ZNF675: variants seen among roughly 807,000 people sequenced by gnomAD.
ZNF675 encodes the protein TRAF6 inhibitory zinc finger.
Under a neutral mutation model 56.1 loss-of-function variants are expected in ZNF675, and 36 were observed. The observed-to-expected ratio is 0.64, with a 90% CI of 0.49 to 0.85. The LOEUF (loss-of-function observed/expected upper bound fraction) is 0.85. ZNF675 is among the 40% of genes least tolerant of loss of function. ZNF675 has a pLI of 0.00. For missense variants in ZNF675, 663 were observed against 654.2 expected (o/e 1.01, Z -0.15); for synonymous variants, 200 against 218.9 (o/e 0.91, Z 0.76).
chr19:23,667,510 T>A (rs1024009441), intron 1 of ZNF675, among the ~76,000 whole-genome samples: 1 of 151,972 alleles, frequency 6.6e-6, no homozygotes, highest in African/African-American at 2.4e-5. Context: ...GACACAAAGG[T>A]TCTCCACGTC....
At chr19:23,659,336 T>A (rs1300538413) in intron 3 of ZNF675, among the ~76,000 whole-genome samples, 7 of 152,140 alleles carry the variant, frequency 4.6e-5, no homozygotes, top group Admixed American at 4.6e-4. Context: ...ATTGGTAAGA[T>A]GGGAGAATAA....
chr19:23,659,782 T>G (rs1233006608), intron 3 of ZNF675, among the ~76,000 whole-genome samples: 2 of 152,120 alleles, frequency 1.3e-5, no homozygotes, highest in African/African-American at 4.8e-5. Flanking sequence ...CTGGGAGAGA[T>G]TCTGCTTTTC....
At chr19:23,675,133 G>GA (rs1331453847) in intron 1 of ZNF675, among the ~76,000 whole-genome samples, 7 of 151,768 alleles carry the variant, frequency 4.6e-5, no homozygotes, top group Non-Finnish European at 1.0e-4. Context: ...GTATTCACTT[G>GA]AAAGAATGTT....
At position 23,687,014 on chromosome 19, in the gene ZNF675, G is replaced by A. The variant is rs1165423782; in HGVS notation, c.3+17C>T. 4.3e-6 allele frequency: 7 copies of A among 1,613,368 alleles called. No homozygotes were observed. Among genetic ancestry groups the A allele is most frequent in the Non-Finnish European group, 5.9e-6 (7 of 1,179,630 alleles). Reference sequence around the variant, plus strand: ...AGCCCCTTCCCCCTCTCGGGATGTCGCACCCGTAACTCTCACCATTTCTAG... The same window carrying A: ...AGCCCCTTCCCCCTCTCGGGATGTCACACCCGTAACTCTCACCATTTCTAG... On this transcript the variant is annotated intron_variant, in intron 1 of 3. Coordinates refer to ENST00000359788, the MANE Select transcript of ZNF675 (RefSeq NM_138330.3).
chr19:23,659,387 T>G (rs1968046440), intron 3 of ZNF675, among the ~76,000 whole-genome samples: 1 of 152,076 alleles, frequency 6.6e-6, no homozygotes, highest in South Asian at 2.1e-4. Context: ...GCAAGACAAT[T>G]TGTCAGCCAT....
intron 3 of ZNF675, chr19:23,658,481 A>G (rs914363874): frequency 1.3e-5 from 2 of 152,080 alleles, no homozygotes; most frequent in Non-Finnish European, 2.9e-5. Context: ...GGAGTTCAAG[A>G]CCAGCTTGGC....
At position 23,656,209 on chromosome 19, in the gene ZNF675, AAC is replaced by A. The variant is rs1294006092; in HGVS notation, c.227-1505_227-1504del. ...CAAATTGAAAAATATATGAAAATAA[AAC>A]AGTGTTCAACATATTCTTGGCTCAA... On this transcript the variant is annotated intron_variant, in intron 3 of 3. Coordinates refer to ENST00000359788, the MANE Select transcript of ZNF675 (RefSeq NM_138330.3). The A allele has an allele frequency of 4.6e-5, 7 of 152,248 alleles. No individual in the cohort carries two copies. In the South Asian group the frequency reaches 6.2e-4, roughly 13 times the overall value. The allele number at this position is 152,248 out of a possible 1,614,324, so 9.4% of individuals were successfully genotyped here.
At position 23,659,741 on chromosome 19, in the gene ZNF675, G is replaced by C. The variant is rs530677447; in HGVS notation, c.226+2373C>G. Among the ~76,000 whole-genome samples the C allele has an allele frequency of 9.2e-5, 14 of 152,222 alleles. No homozygotes were observed. The East Asian group carries it at 2.7e-3, about 29-fold the overall frequency. On this transcript the variant is annotated intron_variant, in intron 3 of 3. Transcript: ENST00000359788. ...CCACTAAGAATTCTGAACTTACTATGTAACCATCCCAAACTCCTCACAGCC... is the reference window on the plus strand; with the variant it reads ...CCACTAAGAATTCTGAACTTACTATCTAACCATCCCAAACTCCTCACAGCC...
chr19:23,653,954 G>A lies in ZNF675; in HGVS notation c.979C>T (p.Leu327Phe). ...CGKAFTQSSTLTTHKRIHTGE... is the reference protein window; with the variant it reads ...CGKAFTQSSTFTTHKRIHTGE... ...GTATGAATTCTCTTATGTGTAGTAA[G>A]GGTTGAGGATTGGGTAAAAGCCTTG... The change falls in exon 4 of 4, where the codon CTT (leucine) becomes TTT (phenylalanine). Residue 327 changes from leucine (L) to phenylalanine (F), a missense_variant. Coordinates refer to ENST00000359788, the MANE Select transcript of ZNF675 (RefSeq NM_138330.3). 1 of 1,613,474 alleles carries A rather than the reference G, an allele frequency of 6.2e-7. No homozygotes were observed. The highest frequency in any genetic ancestry group is 8.5e-7 in the Non-Finnish European group (1 of 1,179,550).
chr19:23,676,719 C>T (rs1173108985), intron 1 of ZNF675, among the ~76,000 whole-genome samples: 1 of 151,758 alleles, frequency 6.6e-6, no homozygotes, highest in Non-Finnish European at 1.5e-5. Context: ...GAGTTATCTA[C>T]GACAAATTCA....
Position 23,663,134 on chromosome 19 carries a change from C to T in ZNF675, c.28G>A (p.Ala10Thr). ...CATTCTTCCAGAGAGAATTCTATGG[C>T]CACATCCCTAAATGTCAACAGTCCC... Reference protein sequence around the residue: MGLLTFRDVAIEFSLEEWQC... With the variant: MGLLTFRDVTIEFSLEEWQC... Residue 10 changes from alanine to threonine, a missense_variant, in exon 2 of 4, where the codon GCC (alanine) becomes ACC (threonine). Around this residue, in one of 3 missense-constraint regions of ZNF675, gnomAD observed 33 missense variants for 31.8 expected, o/e 1.04. Transcript: ENST00000359788. 1.2e-6 allele frequency: 2 copies of T among 1,609,804 alleles called. No homozygotes were observed. Among genetic ancestry groups the T allele is most frequent in the Non-Finnish European group, 8.5e-7 (1 of 1,178,044 alleles).
intron 1 of ZNF675, among the ~76,000 whole-genome samples, chr19:23,666,090 G>A (rs920756408): frequency 6.6e-6 from 1 of 152,194 alleles, no homozygotes; most frequent in East Asian, 1.9e-4. Flanking sequence ...GGGAACCTAA[G>A]ACCATTTCAC....
chr19:23,682,609 T>C (rs1433073361), intron 1 of ZNF675, among the ~76,000 whole-genome samples: 8 of 151,642 alleles, frequency 5.3e-5, no homozygotes, highest in Admixed American at 3.3e-4. Context: ...CAGGCTGACA[T>C]ATCTGCAGAA....
At chr19:23,659,902 C>T (rs1339773021) in intron 3 of ZNF675, among the ~76,000 whole-genome samples, 2 of 152,224 alleles carry the variant, frequency 1.3e-5, no homozygotes, top group South Asian at 2.1e-4. Context: ...AGTTCCAGCT[C>T]GCTGAGCCAC....
intron 1 of ZNF675, among the ~76,000 whole-genome samples, chr19:23,682,325 T>C (rs1968387496): frequency 6.6e-6 from 1 of 151,782 alleles, no homozygotes; most frequent in East Asian, 1.9e-4. Context: ...TTTTCTCCCC[T>C]CTGTGGAAAA....
intron 1 of ZNF675, among the ~76,000 whole-genome samples, chr19:23,675,620 T>C (rs1054900146): frequency 6.6e-6 from 1 of 151,596 alleles, no homozygotes; most frequent in Non-Finnish European, 1.5e-5. Flanking sequence ...AATAATAAAA[T>C]TAAGGCAGAA....
intron 1 of ZNF675, among the ~76,000 whole-genome samples, chr19:23,668,712 C>T (rs1205618332): frequency 3.9e-5 from 6 of 152,228 alleles, no homozygotes; most frequent in African/African-American, 1.2e-4. Context: ...TCGAGCGCAG[C>T]GCCAGTGGGC....
intron 1 of ZNF675, among the ~76,000 whole-genome samples, chr19:23,663,649 G>A (rs1385870704): frequency 6.6e-6 from 1 of 152,190 alleles, no homozygotes; most frequent in East Asian, 1.9e-4. Flanking sequence ...TGTGGTGAGT[G>A]GAGATTGCAG....
chr19:23,674,077 C>T (rs923609069), intron 1 of ZNF675, among the ~76,000 whole-genome samples: 3 of 150,522 alleles, frequency 2.0e-5, no homozygotes, highest in African/African-American at 7.4e-5. Context: ...GTGGTGGGCA[C>T]CTGTAATTCC....
Sources: allele counts gnomAD v4.1 joint callset (sites outside exome capture counted in the v4.1 genomes callset), GRCh38; gene constraint gnomAD v4.1.1; regional missense constraint gnomAD v4.1.1; transcripts MANE v1.5; gene names NCBI Gene and HGNC (gene_info 2026-07-23, HGNC 2026-07-21).